The following CA10 variants were observed in gnomAD, a reference collection of about 807,000 sequenced individuals.
CA10 encodes the protein carbonic anhydrase 10 (inactive), also known as carbonic anhydrase-related protein 10.
A neutral mutation model predicts 44.2 loss-of-function variants in CA10; 14 were observed. The observed-to-expected ratio is 0.32, with a 90% CI of 0.21 to 0.50. The LOEUF (loss-of-function observed/expected upper bound fraction) is 0.50, where lower values mean the gene tolerates loss of function less well. Ranked by LOEUF, CA10 falls within the 20% of genes least tolerant of loss-of-function variation. CA10 has a pLI of 0.99. For synonymous variants in CA10, 159 were observed against 141.6 expected (o/e 1.12, Z -0.87); for missense variants, 350 against 409.7 (o/e 0.85, Z 1.26).
chr17:51,776,253 T>C (rs1905815625), intron 3 of CA10, among the ~76,000 whole-genome samples: 1 of 152,032 alleles, frequency 6.6e-6, no homozygotes. Flanking sequence ...CTGGTGTGAG[T>C]AGCCCCAGCT....
chr17:52,051,786 C>A (rs930752248), intron 2 of CA10, among the ~76,000 whole-genome samples: 3 of 151,910 alleles, frequency 2.0e-5, no homozygotes, highest in East Asian at 1.9e-4. Context: ...GAGTATATAC[C>A]CAAAAGGACA....
chr17:51,874,206 C>A (rs1199111308), intron 3 of CA10, among the ~76,000 whole-genome samples: 1 of 152,090 alleles, frequency 6.6e-6, no homozygotes, highest in Admixed American at 6.5e-5. Context: ...GGATACCAAA[C>A]AATATTACAA....
At chr17:51,923,946 AT>A (rs1299981009) in intron 3 of CA10, among the ~76,000 whole-genome samples, 1 of 152,162 alleles carries the variant, frequency 6.6e-6, no homozygotes, top group Admixed American at 6.5e-5. Context: ...AGGATATAAA[AT>A]GAAAATATGA....
chr17:51,898,638 T>C (rs1416800076), intron 3 of CA10, among the ~76,000 whole-genome samples: 1 of 152,030 alleles, frequency 6.6e-6, no homozygotes, highest in Non-Finnish European at 1.5e-5. Flanking sequence ...GCCAGCTCTT[T>C]AACACATCTG....
chr17:51,833,404 C>T (rs1541379), intron 3 of CA10, among the ~76,000 whole-genome samples: 37,125 of 152,086 alleles, frequency 0.24, 4,819 homozygotes, highest in South Asian at 0.36. Context: ...CAGGATTATT[C>T]CTCTTGTTCT....
intron 3 of CA10, among the ~76,000 whole-genome samples, chr17:51,844,742 C>T (rs190781982): frequency 1.3e-5 from 2 of 152,270 alleles, no homozygotes; most frequent in East Asian, 3.9e-4. Flanking sequence ...CCTAATTCCC[C>T]TCTTCTTGAG....
At chr17:51,803,042 C>T (rs944387791) in intron 3 of CA10, among the ~76,000 whole-genome samples, 8 of 152,222 alleles carry the variant, frequency 5.3e-5, no homozygotes, top group African/African-American at 1.7e-4. Context: ...TAACATGCTA[C>T]TCCGGGTTTA....
chr17:52,022,607 C>A (rs142313673), intron 2 of CA10, among the ~76,000 whole-genome samples: 54 of 152,094 alleles, frequency 3.6e-4, no homozygotes, highest in African/African-American at 1.2e-3. Context: ...GAACTCCTAG[C>A]CAGACAAATC....
chr17:51,985,769 A>C (rs1229041584), intron 2 of CA10, among the ~76,000 whole-genome samples: 2 of 152,074 alleles, frequency 1.3e-5, no homozygotes, highest in Non-Finnish European at 2.9e-5. Context: ...CTATAAAAAA[A>C]CAAAAATACT....
chr17:52,114,090 A>G (rs1465241876), intron 1 of CA10, among the ~76,000 whole-genome samples: 1 of 152,252 alleles, frequency 6.6e-6, no homozygotes, highest in African/African-American at 2.4e-5. Flanking sequence ...GCTGAATTCT[A>G]AAACATTCTA....
chr17:51,884,252 A>G (rs532930643), intron 3 of CA10, among the ~76,000 whole-genome samples: 1 of 152,306 alleles, frequency 6.6e-6, no homozygotes, highest in South Asian at 2.1e-4. Context: ...TTTTCAACAC[A>G]GAGTGATGCT....
At position 51,884,940 on chromosome 17, in the gene CA10, T is replaced by C. The variant is rs1980532893; in HGVS notation, c.279+46050A>G. Among the ~76,000 whole-genome samples, 5 of 152,252 alleles carry C rather than the reference T, an allele frequency of 3.3e-5. No homozygotes were observed. The South Asian group carries it at 1.0e-3, about 32-fold the overall frequency. Reference sequence around the variant, plus strand: ...TTGTCTGTATTCTTGTATCTTCACATGCCCTTTCTCTATGAGGATATCAGT... The same window carrying C: ...TTGTCTGTATTCTTGTATCTTCACACGCCCTTTCTCTATGAGGATATCAGT... On this transcript the variant is annotated intron_variant, in intron 3 of 8. Coordinates refer to ENST00000451037, the MANE Select transcript of CA10 (RefSeq NM_020178.5).
chr17:52,142,035 GA>G (rs1201720066), intron 1 of CA10, among the ~76,000 whole-genome samples: 5 of 152,200 alleles, frequency 3.3e-5, no homozygotes, highest in African/African-American at 1.2e-4. Context: ...TGTTCACAAA[GA>G]AGCCTCTGGT....
chr17:52,014,674 G>C lies in CA10; in HGVS notation c.136+57645C>G, dbSNP rs144443906. 7.8e-3 allele frequency among the ~76,000 whole-genome samples: 1,190 copies of C among 152,088 alleles called. 13 individuals carry two copies. The highest frequency in any genetic ancestry group is 0.027 in the African/African-American group (1,125 of 41,542). On this transcript the variant is annotated intron_variant, in intron 2 of 8. Coordinates refer to ENST00000451037, the MANE Select transcript of CA10 (RefSeq NM_020178.5). ...TGTATAAGCAAAGTTAAATGCCTGAGACTGGGAGAAGATATTTGCTGGGCA... is the reference window on the plus strand; with the variant it reads ...TGTATAAGCAAAGTTAAATGCCTGACACTGGGAGAAGATATTTGCTGGGCA...
At chr17:52,070,599 C>CA (rs1353170440) in intron 2 of CA10, 1 of 152,212 alleles carries the variant, frequency 6.6e-6, no homozygotes, top group Admixed American at 6.5e-5. Flanking sequence ...CACACTTGCA[C>CA]ACGTTACTGC....
chr17:51,979,630 G>A (rs1015048567), intron 2 of CA10, among the ~76,000 whole-genome samples: 8 of 152,038 alleles, frequency 5.3e-5, no homozygotes, highest in Non-Finnish European at 1.0e-4. Flanking sequence ...GAAATCTCAC[G>A]AACGTCTCAA....
chr17:51,690,190 C>T lies in CA10; in HGVS notation c.466-36454G>A, dbSNP rs537248403. On this transcript the variant is annotated intron_variant, in intron 4 of 8. Coordinates refer to ENST00000451037, the MANE Select transcript of CA10 (RefSeq NM_020178.5). ...CTTGAACTCCTGACCTCAGGTGATC[C>T]GCCTGCCTTGGCCTCCCAAAGTGCT... Among the ~76,000 whole-genome samples the T allele has an allele frequency of 5.9e-5, 9 of 152,284 alleles. No individual in the cohort carries two copies. The East Asian group carries it at 7.7e-4, about 13-fold the overall frequency.
At chr17:52,032,489 C>T (rs1223977016) in intron 2 of CA10, among the ~76,000 whole-genome samples, 1 of 152,104 alleles carries the variant, frequency 6.6e-6, no homozygotes, top group Admixed American at 6.6e-5. Context: ...AATTAGAAAG[C>T]AGCCTCTTTC....
chr17:52,055,171 A>T (rs1052375760), intron 2 of CA10, among the ~76,000 whole-genome samples: 5 of 152,000 alleles, frequency 3.3e-5, no homozygotes, highest in Non-Finnish European at 5.9e-5. Context: ...CTTATCTGAG[A>T]CTCTTTGCAA....
Sources: allele counts gnomAD v4.1 joint callset (sites outside exome capture counted in the v4.1 genomes callset), GRCh38; gene constraint gnomAD v4.1.1; transcripts MANE v1.5; gene names NCBI Gene and HGNC (gene_info 2026-07-23, HGNC 2026-07-21).